Variants in ERC2 observed in about 807,000 individuals in gnomAD.
ERC2 encodes ERC protein 2.
In ERC2, 42 loss-of-function variants were observed where a neutral mutation model predicts 114.8. The ratio of observed to expected loss-of-function variants is 0.37; its 90% CI spans 0.29 to 0.47. The LOEUF (loss-of-function observed/expected upper bound fraction) is 0.47. Ranked by LOEUF, ERC2 falls within the 20% of genes least tolerant of loss-of-function variation. The pLI, the probability that ERC2 is intolerant of heterozygous loss-of-function variation, is 0.99. For missense variants in ERC2, 939 were observed against 1,150.7 expected, an observed-to-expected ratio of 0.82 and a Z score of 2.66; for synonymous variants, 454 against 425.5, an observed-to-expected ratio of 1.07 and a Z score of -0.82.
At chr3:56,000,586 C>CA (rs1041907532) in intron 10 of ERC2, among the ~76,000 whole-genome samples, 6 of 150,506 alleles carry the variant, frequency 4.0e-5, no homozygotes, top group South Asian at 4.2e-4. Context: ...GTTAAAAAGG[C>CA]AAAAAAAAAT....
intron 6 of ERC2, among the ~76,000 whole-genome samples, chr3:56,125,200 A>G: frequency 6.6e-6 from 1 of 152,148 alleles, no homozygotes; most frequent in East Asian, 1.9e-4. Flanking sequence ...TCTTTCATAA[A>G]TCTTCTCTCT....
At chr3:56,248,787 T>C (rs1392609487) in intron 3 of ERC2, among the ~76,000 whole-genome samples, 1 of 152,230 alleles carries the variant, frequency 6.6e-6, no homozygotes, top group Non-Finnish European at 1.5e-5. Context: ...TATTCTTCAC[T>C]ACAGAGGATA....
chr3:55,749,932 G>A (rs954930828), intron 14 of ERC2, among the ~76,000 whole-genome samples: 5 of 152,122 alleles, frequency 3.3e-5, no homozygotes, highest in African/African-American at 7.2e-5. Context: ...AGCCAACTCC[G>A]GACACAAAGG....
intron 13 of ERC2, among the ~76,000 whole-genome samples, chr3:55,917,472 G>GA (rs960219326): frequency 6.6e-5 from 10 of 152,094 alleles, no homozygotes; most frequent in African/African-American, 2.2e-4. Flanking sequence ...ATTATCCTAA[G>GA]AAAAAGAAGC....
At chr3:55,865,759 C>T (rs1485882835) in intron 14 of ERC2, among the ~76,000 whole-genome samples, 1 of 152,246 alleles carries the variant, frequency 6.6e-6, no homozygotes, top group East Asian at 1.9e-4. Context: ...TCAAGGTTCT[C>T]TCATATTGCA....
chr3:55,638,066 T>C (rs1001637493), intron 17 of ERC2, among the ~76,000 whole-genome samples: 3 of 152,190 alleles, frequency 2.0e-5, no homozygotes, highest in African/African-American at 7.2e-5. Flanking sequence ...CCCCACACAA[T>C]GATTTCCCTT....
intron 2 of ERC2, among the ~76,000 whole-genome samples, chr3:56,348,864 AAAGAAAGGAAGGAAGGAAGG>A (rs1405099395): frequency 2.4e-5 from 3 of 127,520 alleles, no homozygotes; most frequent in Non-Finnish European, 4.7e-5. Flanking sequence ...CACCAAAATG[AAAGAAAGGAAGGAAGGAAGG>A]AAGGAAGGAA....
At chr3:56,103,971 ACTG>A (rs1409896249) in intron 6 of ERC2, among the ~76,000 whole-genome samples, 1 of 152,210 alleles carries the variant, frequency 6.6e-6, no homozygotes, top group Non-Finnish European at 1.5e-5. Flanking sequence ...GTTCAGCGGC[ACTG>A]CTAGCCCAGT....
At chr3:56,153,997 T>A (rs1422570515) in intron 4 of ERC2, among the ~76,000 whole-genome samples, 5 of 152,160 alleles carry the variant, frequency 3.3e-5, no homozygotes, top group Non-Finnish European at 7.3e-5. Flanking sequence ...CCTACATAAT[T>A]ATATTACACT....
intron 13 of ERC2, among the ~76,000 whole-genome samples, chr3:55,911,825 G>A (rs1239483435): frequency 6.6e-6 from 1 of 152,202 alleles, no homozygotes; most frequent in African/African-American, 2.4e-5. Flanking sequence ...CCACATTCAT[G>A]TAGATATAAC....
intron 2 of ERC2, among the ~76,000 whole-genome samples, chr3:56,362,759 G>A (rs1326217606): frequency 5.9e-5 from 9 of 152,208 alleles, no homozygotes; most frequent in Admixed American, 2.0e-4. Context: ...GGCTCTTCCT[G>A]ACAGATGCCA....
chr3:56,214,536 C>T (rs375986219), intron 3 of ERC2, among the ~76,000 whole-genome samples: 20 of 152,110 alleles, frequency 1.3e-4, no homozygotes, highest in Admixed American at 6.5e-4. Context: ...CTGAAAGTGA[C>T]GGGGAGAATG....
At chr3:56,033,897 G>A (rs2074629043) in intron 7 of ERC2, among the ~76,000 whole-genome samples, 1 of 152,118 alleles carries the variant, frequency 6.6e-6, no homozygotes, top group African/African-American at 2.4e-5. Context: ...CAAGGCTCAA[G>A]TGTCCTTCCC....
chr3:55,630,484 A>G (rs372442783), intron 17 of ERC2, among the ~76,000 whole-genome samples: 2 of 152,152 alleles, frequency 1.3e-5, no homozygotes, highest in Admixed American at 6.5e-5. Flanking sequence ...GACAGTTTTT[A>G]TACTTCCTTA....
chr3:55,829,151 G>C (rs1325654146), intron 14 of ERC2, among the ~76,000 whole-genome samples: 4 of 152,042 alleles, frequency 2.6e-5, no homozygotes, highest in African/African-American at 7.3e-5. Context: ...TAGAATCCTT[G>C]ACATATAAAA....
intron 17 of ERC2, among the ~76,000 whole-genome samples, chr3:55,616,714 G>A (rs1286140216): frequency 6.6e-6 from 1 of 151,482 alleles, no homozygotes; most frequent in Admixed American, 6.6e-5. Context: ...GCATGGTAGG[G>A]ACTAGCTTTG....
intron 3 of ERC2, among the ~76,000 whole-genome samples, chr3:56,260,539 G>A (rs555801624): frequency 6.6e-6 from 1 of 152,328 alleles, no homozygotes; most frequent in Middle Eastern, 3.4e-3. Context: ...AGCTGTGGGA[G>A]GTGGGCCAGC....
At chr3:56,420,351 A>T (rs1317645756) in intron 2 of ERC2, among the ~76,000 whole-genome samples, 1 of 151,444 alleles carries the variant, frequency 6.6e-6, no homozygotes, top group African/African-American at 2.4e-5. Context: ...TACCTGGCTA[A>T]TTTTTTAGTA....
chr3:56,283,811 A>C (rs2054507022), intron 3 of ERC2, among the ~76,000 whole-genome samples: 1 of 152,220 alleles, frequency 6.6e-6, no homozygotes, highest in Admixed American at 6.5e-5. Context: ...ACAAAAAGAA[A>C]GCGGCACAGA....
Sources: gnomAD v4.1 joint callset for allele counts (sites outside exome capture counted in the v4.1 genomes callset) on GRCh38, gnomAD v4.1.1 for gene constraint, MANE v1.5 for transcripts, NCBI Gene and HGNC (gene_info 2026-07-23, HGNC 2026-07-21) for gene names.